Variants in FAM167A observed in about 807,000 individuals in gnomAD.
The protein encoded by FAM167A is protein FAM167A.
FAM167A carries 23 observed loss-of-function variants against 14.9 expected under a neutral mutation model. That is an observed-to-expected ratio of 1.55 (90% CI 1.11 to 2.19). The LOEUF (loss-of-function observed/expected upper bound fraction) is 2.19, where lower values mean the gene tolerates loss of function less well. Among genes scored for constraint, FAM167A ranks in the 30% most tolerant of loss-of-function variants. FAM167A has a pLI of 0.00. For synonymous variants in FAM167A, 174 were observed against 117.7 expected, an observed-to-expected ratio of 1.48 and a Z score of -3.10; for missense variants, 401 against 281.5, an observed-to-expected ratio of 1.42 and a Z score of -3.04.
intron 2 of FAM167A, among the ~76,000 whole-genome samples, chr8:11,439,333 C>T (rs1201580792): frequency 6.6e-6 from 1 of 152,256 alleles, no homozygotes; most frequent in African/African-American, 2.4e-5. Context: ...GTGAGTATGA[C>T]CTGCCATTTG....
chr8:11,468,160 G>C (rs1169143104), upstream of FAM167A, among the ~76,000 whole-genome samples: 2 of 152,142 alleles, frequency 1.3e-5, no homozygotes, highest in Non-Finnish European at 2.9e-5. Flanking sequence ...CCACAAACAG[G>C]GGAAACTCTT....
chr8:11,435,887 C>A (rs1310408179), intron 2 of FAM167A, among the ~76,000 whole-genome samples: 1 of 152,212 alleles, frequency 6.6e-6, no homozygotes, highest in Non-Finnish European at 1.5e-5. Context: ...ACATCGAGTT[C>A]CGGAATTACT....
rs564118527 is a variant in FAM167A, at chr8:11,475,263, G to A, written c.-398+603C>T. 6.6e-5 allele frequency among the ~76,000 whole-genome samples: 10 copies of A among 152,208 alleles called. No individual in the cohort carries two copies. The East Asian group carries it at 9.7e-4, about 15-fold the overall frequency. Reference sequence around the variant, plus strand: ...CAGCCTGGCCTCAGTTTTCCTACTCGGTTTCCCTATGGGCCTCTCTGCACC... The same window carrying A: ...CAGCCTGGCCTCAGTTTTCCTACTCAGTTTCCCTATGGGCCTCTCTGCACC... On this transcript the variant is annotated intron_variant, in intron 1 of 1. Coordinates refer to the FAM167A transcript ENST00000648766.
intron 2 of FAM167A, among the ~76,000 whole-genome samples, chr8:11,431,005 G>A (rs1805543122): frequency 6.6e-6 from 1 of 152,162 alleles, no homozygotes; most frequent in Admixed American, 6.5e-5. Context: ...CAGCATGGCG[G>A]GTCCCGGAAA....
intron 1 of FAM167A, among the ~76,000 whole-genome samples, chr8:11,459,393 T>C (rs1274882115): frequency 1.3e-5 from 2 of 152,220 alleles, no homozygotes; most frequent in African/African-American, 4.8e-5. Context: ...TTATAGTACT[T>C]ACAAGTCCAG....
intron 1 of FAM167A, among the ~76,000 whole-genome samples, chr8:11,448,148 C>T (rs903360045): frequency 4.7e-5 from 7 of 150,516 alleles, no homozygotes; most frequent in African/African-American, 1.5e-4. Context: ...GAGCCAAGAT[C>T]GCACTACTGC....
At chr8:11,442,124 A>T (rs1445356674) in intron 2 of FAM167A, among the ~76,000 whole-genome samples, 1 of 152,130 alleles carries the variant, frequency 6.6e-6, no homozygotes, top group Non-Finnish European at 1.5e-5. Context: ...TGGCCTATGG[A>T]GCCTGGCTCT....
intron 1 of FAM167A, among the ~76,000 whole-genome samples, chr8:11,461,570 C>T (rs1306591461): frequency 6.6e-6 from 1 of 152,270 alleles, no homozygotes; most frequent in East Asian, 1.9e-4. Flanking sequence ...CACTTCCCAG[C>T]TGGCTGAAAC....
chr8:11,464,243 G>A (rs746439366), intron 1 of FAM167A, among the ~76,000 whole-genome samples: 1 of 152,100 alleles, frequency 6.6e-6, no homozygotes, highest in Non-Finnish European at 1.5e-5. Flanking sequence ...GAAGTGGTAG[G>A]GGTCAGGGTG....
chr8:11,460,655 T>G lies in FAM167A; in HGVS notation c.-398+5971A>C, dbSNP rs914296735. 7.2e-5 allele frequency among the ~76,000 whole-genome samples: 11 copies of G among 152,004 alleles called. 1 individual carries two copies. Among genetic ancestry groups the G allele is most frequent in the African/African-American group, 2.7e-4 (11 of 41,368 alleles). Reference sequence around the variant, plus strand: ...TTTTAATCACACTGCATTTGCAAATTTTTTTCCCCACACACACAATGACCT... The same window carrying G: ...TTTTAATCACACTGCATTTGCAAATGTTTTTCCCCACACACACAATGACCT... On this transcript the variant is annotated intron_variant, in intron 1 of 2. Transcript: ENST00000284486.
intron 1 of FAM167A, among the ~76,000 whole-genome samples, chr8:11,455,906 A>G (rs1807250366): frequency 5.0e-5 from 4 of 79,556 alleles, no homozygotes; most frequent in Admixed American, 2.9e-4. Context: ...TGTGAGTGTG[A>G]GTGTGAGGGG....
Position 11,424,268 on chromosome 8 carries a change from C to A in FAM167A, c.*105G>T. On this transcript the variant is annotated 3_prime_UTR_variant, in exon 3 of 3. Coordinates refer to ENST00000284486, the MANE Select transcript of FAM167A (RefSeq NM_053279.3). ...CCCTTGAGTCGCCAGTCCCAGGGAC[C>A]CCTGCCTCCGGGAGACCCACTGGAG... The A allele has an allele frequency of 3.3e-6, 5 of 1,495,664 alleles. No individual in the cohort carries two copies. Among genetic ancestry groups the A allele is most frequent in the Non-Finnish European group, 3.6e-6 (4 of 1,103,442 alleles). 92.6% of individuals were successfully genotyped at this position (1,495,664 alleles called of 1,614,324 possible).
intron 1 of FAM167A, among the ~76,000 whole-genome samples, chr8:11,459,655 C>G (rs1807459423): frequency 6.6e-6 from 1 of 152,218 alleles, no homozygotes; most frequent in African/African-American, 2.4e-5. Flanking sequence ...CATTAACAAC[C>G]TGTGACGCTG....
In FAM167A at chr8:11,424,212, G is replaced by T; in HGVS notation, c.*161C>A. The T allele has an allele frequency of 1.2e-6, 1 of 833,830 alleles. No homozygotes were observed. The highest frequency in any genetic ancestry group is 1.8e-6 in the Non-Finnish European group (1 of 548,254). 51.7% of individuals were successfully genotyped at this position (833,830 alleles called of 1,614,324 possible). On this transcript the variant is annotated 3_prime_UTR_variant, in exon 3 of 3. Transcript: ENST00000284486. ...TGGCATCCACACCCAGGGCCCCTGG[G>T]TGGGAGAGCACCACTGAATAGGTCC...
At chr8:11,438,313 A>G (rs1021512774) in intron 2 of FAM167A, 2 of 407,862 alleles carry the variant, frequency 4.9e-6, no homozygotes, top group Non-Finnish European at 9.8e-6. Context: ...GGTCAGCTGC[A>G]GCTCCCTGGC....
Position 11,423,254 on chromosome 8 carries a change from T to C in FAM167A, c.*1119A>G, listed in dbSNP as rs1804886399. ...CTGACCTCCCTAACCTGCTGGGGTC[T>C]TAACTTGCTGATCCTCAAGCCTGTT... is the stretch of plus-strand genomic sequence containing the variant. On this transcript the variant is annotated 3_prime_UTR_variant, in exon 3 of 3. Transcript: ENST00000284486. 6.6e-6 allele frequency: 1 copy of C among 152,330 alleles called. No homozygotes were observed. Among genetic ancestry groups the C allele is most frequent in the South Asian group, 2.1e-4 (1 of 4,826 alleles). 9.4% of individuals were successfully genotyped at this position (152,330 alleles called of 1,614,324 possible). A position where few individuals can be genotyped will look rare whatever the true frequency, so the allele number is the denominator to read the frequency against.
At chr8:11,433,285 C>T (rs1805747593) in intron 2 of FAM167A, among the ~76,000 whole-genome samples, 1 of 152,128 alleles carries the variant, frequency 6.6e-6, no homozygotes, top group African/African-American at 2.4e-5. Flanking sequence ...AAGGTGTTAC[C>T]TTTAACCTAC....
Position 11,444,740 on chromosome 8 carries a change from C to G in FAM167A, c.-329G>C. On this transcript the variant is annotated 5_prime_UTR_variant, in exon 2 of 3. Coordinates refer to ENST00000284486, the MANE Select transcript of FAM167A (RefSeq NM_053279.3). ...AAGGTCTATCTGTCCTGAACGCACT[C>G]GAAGACCAGACTGGCAGGAAGAAGG... 1.9e-6 allele frequency: 2 copies of G among 1,067,828 alleles called. No homozygotes were observed. Among genetic ancestry groups the G allele is most frequent in the Non-Finnish European group, 2.3e-6 (2 of 883,092 alleles). 66.1% of individuals were successfully genotyped at this position (1,067,828 alleles called of 1,614,324 possible).
rs570251987 is a variant in FAM167A at position 11,446,559 on chromosome 8, G to C, written c.-397-1751C>G. The C allele has an allele frequency of 7.9e-5, 12 of 152,348 alleles. 1 individual carries two copies. Among genetic ancestry groups the C allele is most frequent in the African/African-American group, 2.9e-4 (12 of 41,564 alleles). 9.4% of individuals were successfully genotyped at this position (152,348 alleles called of 1,614,324 possible). A position where few individuals can be genotyped will look rare whatever the true frequency, so the allele number is the denominator to read the frequency against. On this transcript the variant is annotated intron_variant, in intron 1 of 2. Transcript: ENST00000284486. Reference sequence around the variant, plus strand: ...CCACTGTCTCCAGATGCAGACACTAGAGTTGGGATCAGATGGCCTAGCTCT... The same window carrying C: ...CCACTGTCTCCAGATGCAGACACTACAGTTGGGATCAGATGGCCTAGCTCT...
Sources: allele counts gnomAD v4.1 joint callset (sites outside exome capture counted in the v4.1 genomes callset), GRCh38; gene constraint gnomAD v4.1.1; transcripts MANE v1.5; gene names NCBI Gene and HGNC (gene_info 2026-07-23, HGNC 2026-07-21).